Variants in LY6H observed in about 807,000 individuals in gnomAD.
LY6H encodes the protein lymphocyte antigen 6H.
A neutral mutation model predicts 14.6 loss-of-function variants in LY6H; 8 were observed. The ratio of observed to expected loss-of-function variants is 0.55; its 90% CI spans 0.32 to 0.99. LY6H has a LOEUF of 0.99. Ranked by LOEUF, LY6H falls within the 50% of genes least tolerant of loss-of-function variation. The probability of loss-of-function intolerance (pLI) is 0.04; values close to 1 mark genes in which losing one functional copy is unlikely to be tolerated. For missense variants in LY6H, 196 were observed against 219.6 expected (o/e 0.89, Z 0.68); for synonymous variants, 115 against 97.2 (o/e 1.18, Z -1.08).
upstream of LY6H, chr8:143,160,339 G>C (rs1400001716): frequency 1.6e-6 from 1 of 628,332 alleles, no homozygotes; most frequent in African/African-American, 1.9e-5. Context: ...CCGCGCGAGG[G>C]GCGGGGCGGA....
chr8:143,159,946 G>T, intron 1 of LY6H: 1 of 1,242,416 alleles, frequency 8.0e-7, no homozygotes, highest in Non-Finnish European at 1.0e-6. Context: ...CTGTGTGGGG[G>T]AGCGGATGGG....
chr8:143,159,677 G>A lies in LY6H; in HGVS notation c.35C>T (p.Pro12Leu). The A allele has an allele frequency of 1.4e-6, 2 of 1,395,748 alleles. No homozygotes were observed. Among genetic ancestry groups the A allele is most frequent in the South Asian group, 1.6e-5 (1 of 62,692 alleles). 86.5% of individuals were successfully genotyped at this position (1,395,748 alleles called of 1,614,324 possible). Residue 12 changes from proline to leucine, a missense_variant, in exon 2 of 4, where the codon CCC becomes CTC. Coordinates refer to ENST00000342752, the MANE Select transcript of LY6H (RefSeq NM_001135655.2). ...CCGGGTGGGCCTGGGGGCGGCGCGG[G>A]GGCTTGGGGCGCGGGTCCTCTGGGG... ...LAPQRTRAPS[P>L]RAAPRPTRSM...
Position 143,158,995 on chromosome 8 carries a change from C to A in LY6H, c.131-73G>T, listed in dbSNP as rs1438902862. The A allele has an allele frequency of 7.7e-6, 12 of 1,554,974 alleles. No individual in the cohort carries two copies. The East Asian group carries it at 2.4e-4, about 31-fold the overall frequency. On this transcript the variant is annotated intron_variant, in intron 2 of 3. Transcript: ENST00000342752. ...ACCAGGCAGCCCCCTGCGCCCCCCA[C>A]CCATCCCCCTGCTGCAGGCACTCCT...
chr8:143,158,217 CAAGCT>C lies in LY6H; in HGVS notation c.*28_*32del. 2 of 1,515,848 alleles carry C rather than the reference CAAGCT, an allele frequency of 1.3e-6. No homozygotes were observed. Among genetic ancestry groups the C allele is most frequent in the Non-Finnish European group, 1.8e-6 (2 of 1,106,316 alleles). 93.9% of individuals were successfully genotyped at this position (1,515,848 alleles called of 1,614,324 possible). On this transcript the variant is annotated 3_prime_UTR_variant, in exon 4 of 4. Coordinates refer to ENST00000342752, the MANE Select transcript of LY6H (RefSeq NM_001135655.2). ...GAGGGCAGCCACAGGCTCAGGGGAG[CAAGCT>C]CAGAAGCCCCGTGGGAAGGAGGAGA...
intron 1 of LY6H, 33 bp downstream of exon 1, chr8:143,160,165 A>T (rs767752066): frequency 5.5e-6 from 7 of 1,276,190 alleles, no homozygotes; most frequent in Middle Eastern, 5.4e-4. Flanking sequence ...TGGGGCGTGG[A>T]GCGCGGGCCT....
At position 143,158,275 on chromosome 8, in the gene LY6H, G is replaced by A; in HGVS notation, c.461C>T (p.Pro154Leu). ...LAGGLLLSLG[P>L]ALLWAGP is the part of the protein sequence containing the mutation. Reference sequence around the variant, plus strand: ...TCAGGGCCCAGCCCAGAGGAGGGCAGGCCCCAGGCTGAGCAGGAGCCCCCC... The same window carrying A: ...TCAGGGCCCAGCCCAGAGGAGGGCAAGCCCCAGGCTGAGCAGGAGCCCCCC... Residue 154 changes from proline to leucine, a missense_variant, in exon 4 of 4, where the codon CCT becomes CTT. Physicochemically the swap from Pro to Leu is moderately conservative, Grantham distance 98. Coordinates refer to ENST00000342752, the MANE Select transcript of LY6H (RefSeq NM_001135655.2). The A allele has an allele frequency of 1.2e-6, 2 of 1,612,744 alleles. No individual in the cohort carries two copies. The highest frequency in any genetic ancestry group is 1.7e-6 in the Non-Finnish European group (2 of 1,179,314).
intron 2 of LY6H, 187 bp downstream of exon 2, chr8:143,159,395 G>T: frequency 1.5e-6 from 1 of 656,102 alleles, no homozygotes; most frequent in Non-Finnish European, 2.4e-6. Flanking sequence ...AAGAGCGCTG[G>T]AGAGAGCCCA....
At chr8:143,159,187 G>A in intron 2 of LY6H, 1 of 593,596 alleles carries the variant, frequency 1.7e-6, no homozygotes, top group African/African-American at 1.9e-5. Context: ...CACACACACG[G>A]GCTATACAGA....
chr8:143,158,206 G>C lies in LY6H; in HGVS notation c.*44C>G. 6.9e-7 allele frequency: 1 copy of C among 1,450,316 alleles called. No homozygotes were observed. The highest frequency in any genetic ancestry group is 9.5e-7 in the Non-Finnish European group (1 of 1,053,628). The allele number at this position is 1,450,316 out of a possible 1,614,324, so 89.8% of individuals were successfully genotyped here. A position where few individuals can be genotyped will look rare whatever the true frequency, so the allele number is the denominator to read the frequency against. ...CAGGCTGGGGAGAGGGCAGCCACAG[G>C]CTCAGGGGAGCAAGCTCAGAAGCCC... On this transcript the variant is annotated 3_prime_UTR_variant, in exon 4 of 4. Coordinates refer to ENST00000342752, the MANE Select transcript of LY6H (RefSeq NM_001135655.2).
At chr8:143,159,274 T>A (rs1451914993) in intron 2 of LY6H, 2 of 535,484 alleles carry the variant, frequency 3.7e-6, no homozygotes, top group Non-Finnish European at 6.6e-6. Flanking sequence ...GGTTCCAAGC[T>A]GTGAAGGACC....
intron 3 of LY6H, 64 bp downstream of exon 3, chr8:143,158,739 C>G: frequency 2.6e-6 from 4 of 1,545,708 alleles, no homozygotes; most frequent in Non-Finnish European, 3.5e-6. Flanking sequence ...TCCGAGGACA[C>G]CTCTGACCTC....
In LY6H at chr8:143,158,365, T is replaced by G; in HGVS notation, c.371A>C (p.Asp124Ala). The G allele has an allele frequency of 6.2e-7, 1 of 1,613,762 alleles. No homozygotes were observed. The highest frequency in any genetic ancestry group is 8.5e-7 in the Non-Finnish European group (1 of 1,179,884). ...ATTGCACAAATCCTTCTCGCAGCAGTCCACGTCGACCTTTAAGATCCCAGA... is the reference window on the plus strand; with the variant it reads ...ATTGCACAAATCCTTCTCGCAGCAGGCCACGTCGACCTTTAAGATCCCAGA... Reference protein sequence around the residue: ...INSGILKVDVDCCEKDLCNGA... With the variant: ...INSGILKVDVACCEKDLCNGA... Residue 124 changes from aspartate to alanine, a missense_variant, in exon 4 of 4, where the codon GAC becomes GCC. By Grantham distance (126) the Asp-to-Ala change is moderately radical. Transcript: ENST00000342752.
chr8:143,159,751 C>T (rs1815551880), intron 1 of LY6H, 42 bp from the exon 2 acceptor site: 7 of 1,325,662 alleles, frequency 5.3e-6, no homozygotes, highest in Non-Finnish European at 5.8e-6. Flanking sequence ...CAAAGACCCT[C>T]TCCTTTCCCA....
intron 1 of LY6H, 32 bp from the exon 2 acceptor site, chr8:143,159,741 C>G (rs1435095426): frequency 7.5e-7 from 1 of 1,337,888 alleles, no homozygotes; most frequent in Non-Finnish European, 9.5e-7. Context: ...CAGGAGACCC[C>G]AAAGACCCTC....
upstream of LY6H, chr8:143,160,347 G>A (rs1641427555): frequency 9.2e-6 from 5 of 542,206 alleles, no homozygotes; most frequent in Non-Finnish European, 7.9e-6. Context: ...GGGGCGGGGC[G>A]GAGCCGGGGC....
Position 143,160,187 on chromosome 8 carries a change from G to T in LY6H, c.2+11C>A. 7.8e-7 allele frequency: 1 copy of T among 1,284,966 alleles called. No homozygotes were observed. The allele number at this position is 1,284,966 out of a possible 1,614,324, so 79.6% of individuals were successfully genotyped here. ...TGGAGCGCGGGCCTCGGGGTCGGGG[G>T]GCTCACTCACATCCCGGGGGTGTCC... On this transcript the variant is annotated intron_variant, in intron 1 of 3. Coordinates refer to ENST00000342752, the MANE Select transcript of LY6H (RefSeq NM_001135655.2).
At position 143,158,876 on chromosome 8, in the gene LY6H, G is replaced by A; in HGVS notation, c.177C>T (p.Ser59=). 1 of 1,613,126 alleles carries A rather than the reference G, an allele frequency of 6.2e-7. No homozygotes were observed. Among genetic ancestry groups the A allele is most frequent in the Non-Finnish European group, 8.5e-7 (1 of 1,179,350 alleles). Residue 59 remains serine (S), a synonymous_variant, in exon 3 of 4, where the codon AGC becomes AGT. Transcript: ENST00000342752. ...CQDCTLTTNS[S]HCTPKQCQPS... Reference sequence around the variant, plus strand: ...GCTGGCACTGCTTTGGGGTGCAATGGCTGGAGTTGGTGGTCAGGGTGCAGT... The same window carrying A: ...GCTGGCACTGCTTTGGGGTGCAATGACTGGAGTTGGTGGTCAGGGTGCAGT...
upstream of LY6H, chr8:143,160,334 C>G (rs1815570115): frequency 1.5e-6 from 1 of 645,682 alleles, no homozygotes; most frequent in Non-Finnish European, 2.1e-6. Flanking sequence ...GGACCCCGCG[C>G]GAGGGGCGGG....
rs1815568407 is a variant in LY6H, at chr8:143,160,271, C to T, written c.-72G>A. On this transcript the variant is annotated 5_prime_UTR_variant, in exon 1 of 4. Coordinates refer to ENST00000342752, the MANE Select transcript of LY6H (RefSeq NM_001135655.2). ...GGAGCTGTGCCCTTCGGTCTCCCTGCGGACCGGAATCCGGGCGCAGCCTCG... is the reference window on the plus strand; with the variant it reads ...GGAGCTGTGCCCTTCGGTCTCCCTGTGGACCGGAATCCGGGCGCAGCCTCG... The T allele has an allele frequency of 1.4e-5, 17 of 1,225,432 alleles. No homozygotes were observed. The highest frequency in any genetic ancestry group is 1.5e-5 in the African/African-American group (1 of 64,622). 75.9% of individuals were successfully genotyped at this position (1,225,432 alleles called of 1,614,324 possible). A position where few individuals can be genotyped will look rare whatever the true frequency, so the allele number is the denominator to read the frequency against.
Sources: gnomAD v4.1 joint callset for allele counts on GRCh38, gnomAD v4.1.1 for gene constraint, MANE v1.5 for transcripts, NCBI Gene and HGNC (gene_info 2026-07-23, HGNC 2026-07-21) for gene names.